The following ATP2B2 variants were observed in gnomAD, a reference collection of about 807,000 sequenced individuals.
ATP2B2 encodes the protein ATPase plasma membrane Ca2+ transporting 2.
In ATP2B2, 15 loss-of-function variants were observed where a neutral mutation model predicts 120.0. The observed-to-expected ratio is 0.12, with a 90% CI of 0.08 to 0.19. ATP2B2 has a LOEUF of 0.19. Among genes scored for constraint, ATP2B2 ranks in the 10% least tolerant of loss-of-function variants. The pLI is 1.00. For missense variants in ATP2B2, 1,045 were observed against 1,719.8 expected (o/e 0.61, Z 6.94); for synonymous variants, 694 against 700.3 (o/e 0.99, Z 0.14).
intron 2 of ATP2B2, among the ~76,000 whole-genome samples, chr3:10,419,309 G>A (rs1036113690): frequency 6.6e-6 from 1 of 152,172 alleles, no homozygotes; most frequent in Non-Finnish European, 1.5e-5. Flanking sequence ...CCTGTCTCTG[G>A]CATCCCCTGC....
At chr3:10,548,467 T>C (rs1404014563) in intron 2 of ATP2B2, among the ~76,000 whole-genome samples, 3 of 152,150 alleles carry the variant, frequency 2.0e-5, no homozygotes, top group Non-Finnish European at 2.9e-5. Context: ...GTATAGATAG[T>C]GTATAGATAT....
chr3:10,539,703 T>C (rs1423119840), intron 2 of ATP2B2, among the ~76,000 whole-genome samples: 4 of 152,188 alleles, frequency 2.6e-5, no homozygotes, highest in Non-Finnish European at 4.4e-5. Flanking sequence ...TTACACCTTA[T>C]ACAAAAATTA....
intron 2 of ATP2B2, among the ~76,000 whole-genome samples, chr3:10,601,745 G>T (rs1295346681): frequency 6.6e-6 from 1 of 152,190 alleles, no homozygotes; most frequent in East Asian, 1.9e-4. Flanking sequence ...GCTCACACCT[G>T]ACATCAGCAA....
chr3:10,622,305 T>G (rs1397163933), intron 1 of ATP2B2, among the ~76,000 whole-genome samples: 3 of 152,138 alleles, frequency 2.0e-5, no homozygotes, highest in Non-Finnish European at 4.4e-5. Flanking sequence ...TAGTGAATTT[T>G]TAATTATGGA....
In ATP2B2 at chr3:10,461,674, G is replaced by C. The variant is rs993927397; in HGVS notation, c.-319-11812C>G. On this transcript the variant is annotated intron_variant, in intron 1 of 22. Transcript: ENST00000360273. ...ATGGTGGGGGCTGTGAATTTTAAAT[G>C]AGCAGAACTCCTGTCCTCGTGCTTT... 2.0e-5 allele frequency among the ~76,000 whole-genome samples: 3 copies of C among 152,154 alleles called. No individual in the cohort carries two copies. The South Asian group carries it at 6.2e-4, about 32-fold the overall frequency.
intron 1 of ATP2B2, among the ~76,000 whole-genome samples, chr3:10,464,638 A>G (rs1313119154): frequency 6.6e-6 from 1 of 152,166 alleles, no homozygotes; most frequent in Admixed American, 6.5e-5. Flanking sequence ...CCATCCCCAG[A>G]AGCCTCTACC....
chr3:10,431,416 A>G (rs2063310174), intron 2 of ATP2B2, among the ~76,000 whole-genome samples: 1 of 152,218 alleles, frequency 6.6e-6, no homozygotes, highest in African/African-American at 2.4e-5. Flanking sequence ...CTGATCAGTC[A>G]GCAGCCATCA....
intron 2 of ATP2B2, among the ~76,000 whole-genome samples, chr3:10,553,666 C>T (rs1402699107): frequency 6.6e-6 from 1 of 152,214 alleles, no homozygotes; most frequent in Non-Finnish European, 1.5e-5. Context: ...GGACTCCCTG[C>T]CCCTCCATAG....
At chr3:10,621,685 A>C (rs149382566) in intron 1 of ATP2B2, among the ~76,000 whole-genome samples, 151 of 152,336 alleles carry the variant, frequency 9.9e-4, no homozygotes, top group Non-Finnish European at 1.7e-3. Context: ...GCCAACCTGG[A>C]GGGGTTCCTT....
chr3:10,408,146 C>T (rs2062481644), intron 3 of ATP2B2, among the ~76,000 whole-genome samples: 1 of 152,192 alleles, frequency 6.6e-6, no homozygotes, highest in African/African-American at 2.4e-5. Context: ...ACCGAAAGTT[C>T]CTGGTCTGTG....
At chr3:10,641,999 CCCA>C (rs2070186118) in intron 1 of ATP2B2, among the ~76,000 whole-genome samples, 1 of 11,564 alleles carries the variant, frequency 8.6e-5, no homozygotes, top group East Asian at 3.1e-3. Flanking sequence ...CACCCATCCA[CCCA>C]TCCACCCATC....
At chr3:10,535,529 C>A (rs548369932) in intron 2 of ATP2B2, among the ~76,000 whole-genome samples, 24 of 152,286 alleles carry the variant, frequency 1.6e-4, no homozygotes, top group African/African-American at 5.3e-4. Context: ...TATAGTCATG[C>A]CCCTCATCCC....
In ATP2B2 at chr3:10,434,697, C is replaced by A. The variant is rs1346959878; in HGVS notation, c.199+14648G>T. Among the ~76,000 whole-genome samples the A allele has an allele frequency of 7.2e-5, 11 of 152,252 alleles. No individual in the cohort carries two copies. In the East Asian group the frequency reaches 2.1e-3, roughly 29 times the overall value. ...AGTCTCATGGTGCCCCATGGCCAGG[C>A]CCTGTCAAGTAGCTCCAGGGCTGAC... On this transcript the variant is annotated intron_variant, in intron 2 of 22. Transcript: ENST00000360273.
chr3:10,405,741 T>A (rs1290026202), intron 3 of ATP2B2, among the ~76,000 whole-genome samples: 1 of 152,210 alleles, frequency 6.6e-6, no homozygotes, highest in Non-Finnish European at 1.5e-5. Flanking sequence ...CGGGCCTGTC[T>A]GCATGTTCAC....
chr3:10,561,768 G>T (rs893494733), intron 2 of ATP2B2, among the ~76,000 whole-genome samples: 1 of 152,144 alleles, frequency 6.6e-6, no homozygotes, highest in Non-Finnish European at 1.5e-5. Context: ...CATGTGAGAC[G>T]TGCCTTTTGC....
At chr3:10,670,751 G>A (rs1297955265) in intron 1 of ATP2B2, among the ~76,000 whole-genome samples, 2 of 152,236 alleles carry the variant, frequency 1.3e-5, no homozygotes, top group African/African-American at 2.4e-5. Flanking sequence ...TCTAAAGGAT[G>A]TTCGTGTGGA....
chr3:10,576,377 CTTATTA>C (rs1314112595), intron 2 of ATP2B2, among the ~76,000 whole-genome samples: 4 of 152,098 alleles, frequency 2.6e-5, no homozygotes, highest in African/African-American at 9.7e-5. Flanking sequence ...AATGATTGTT[CTTATTA>C]TTATTGTTAT....
chr3:10,691,534 G>C (rs987475941), intron 1 of ATP2B2, among the ~76,000 whole-genome samples: 2 of 152,182 alleles, frequency 1.3e-5, no homozygotes, highest in African/African-American at 4.8e-5. Context: ...TCAGCAGTCT[G>C]CTCCACCACC....
At chr3:10,584,487 C>T (rs995988357) in intron 2 of ATP2B2, among the ~76,000 whole-genome samples, 6 of 152,150 alleles carry the variant, frequency 3.9e-5, no homozygotes, top group African/African-American at 1.4e-4. Flanking sequence ...TCCTCACACC[C>T]ATGGGCGCTT....
Sources: allele counts gnomAD v4.1 joint callset (sites outside exome capture counted in the v4.1 genomes callset), GRCh38; gene constraint gnomAD v4.1.1; transcripts MANE v1.5; gene names NCBI Gene and HGNC (gene_info 2026-07-23, HGNC 2026-07-21).